Variants in AUTS2 observed in about 807,000 individuals in gnomAD.
AUTS2 encodes the protein autism susceptibility gene 2 protein.
In AUTS2, 17 loss-of-function variants were observed where a neutral mutation model predicts 112.4. The observed-to-expected ratio is 0.15, with a 90% CI of 0.10 to 0.23. The LOEUF (loss-of-function observed/expected upper bound fraction) is 0.23. Ranked by LOEUF, AUTS2 falls within the 10% of genes least tolerant of loss-of-function variation. The probability of loss-of-function intolerance (pLI) is 1.00; values close to 1 mark genes in which losing one functional copy is unlikely to be tolerated. For missense variants in AUTS2, 1,510 were observed against 1,701.6 expected (o/e 0.89, Z 1.98); for synonymous variants, 751 against 702.7 (o/e 1.07, Z -1.09).
chr7:70,539,978 C>A (rs897515760), intron 5 of AUTS2, among the ~76,000 whole-genome samples: 1 of 152,214 alleles, frequency 6.6e-6, no homozygotes, highest in African/African-American at 2.4e-5. Flanking sequence ...CAGCCCTACT[C>A]CTCCCACTGT....
At chr7:70,328,829 G>A (rs1314013454) in intron 4 of AUTS2, among the ~76,000 whole-genome samples, 1 of 152,182 alleles carries the variant, frequency 6.6e-6, no homozygotes, top group Non-Finnish European at 1.5e-5. Context: ...AAAGTGAACA[G>A]TTCAGTAGGA....
intron 1 of AUTS2, among the ~76,000 whole-genome samples, chr7:69,847,007 C>G (rs1323421211): frequency 1.3e-5 from 2 of 152,156 alleles, no homozygotes; most frequent in African/African-American, 4.8e-5. Flanking sequence ...TCTAGGCAAT[C>G]TAGTAGCACA....
chr7:69,781,629 G>C (rs1054821530), intron 1 of AUTS2, among the ~76,000 whole-genome samples: 13 of 152,234 alleles, frequency 8.5e-5, no homozygotes, highest in Admixed American at 3.3e-4. Flanking sequence ...GAATTGACAG[G>C]CATCTCTATT....
intron 2 of AUTS2, among the ~76,000 whole-genome samples, chr7:70,045,911 C>T (rs1801484441): frequency 6.6e-6 from 1 of 151,776 alleles, no homozygotes; most frequent in African/African-American, 2.4e-5. Flanking sequence ...AGGCATGAGC[C>T]ACTGCGCCTG....
intron 4 of AUTS2, among the ~76,000 whole-genome samples, chr7:70,270,456 G>A (rs1177006527): frequency 2.0e-5 from 3 of 152,122 alleles, no homozygotes; most frequent in Admixed American, 2.0e-4. Flanking sequence ...ACATTTAGGA[G>A]TGTAGTGTTT....
At chr7:69,976,736 A>G (rs1798074905) in intron 2 of AUTS2, among the ~76,000 whole-genome samples, 1 of 152,128 alleles carries the variant, frequency 6.6e-6, no homozygotes, top group African/African-American at 2.4e-5. Context: ...CTACCTGTGT[A>G]TTATCTTTGG....
chr7:70,243,450 T>C (rs1812736551), intron 4 of AUTS2, among the ~76,000 whole-genome samples: 1 of 152,050 alleles, frequency 6.6e-6, no homozygotes, highest in Admixed American at 6.6e-5. Context: ...GGTCCAGGAT[T>C]TCTGAGTTTC....
intron 5 of AUTS2, among the ~76,000 whole-genome samples, chr7:70,609,406 T>C (rs1489106915): frequency 7.4e-6 from 1 of 135,394 alleles, no homozygotes; most frequent in African/African-American, 3.2e-5. Context: ...TTTTTTTTTT[T>C]TTTTCCGAGA....
rs1808932489 is a variant in AUTS2, at chr7:70,694,287, G to A, written c.691-4282G>A. On this transcript the variant is annotated intron_variant, in intron 5 of 18. Coordinates refer to ENST00000342771, the MANE Select transcript of AUTS2 (RefSeq NM_015570.4). The surrounding 1 kb of genome is among the most constrained non-coding windows in gnomAD (Gnocchi z 4.1). ...GCTCACCCGCCAGCCCGCAAGCTCC[G>A]GCCAGAGGCGCCGCCGCCCCGCGCC... is the stretch of plus-strand genomic sequence containing the variant. 1.3e-5 allele frequency: 2 copies of A among 149,996 alleles called. No homozygotes were observed. Among genetic ancestry groups the A allele is most frequent in the Non-Finnish European group, 3.0e-5 (2 of 67,344 alleles). 9.3% of individuals were successfully genotyped at this position (149,996 alleles called of 1,614,324 possible). A position where few individuals can be genotyped will look rare whatever the true frequency, so the allele number is the denominator to read the frequency against.
At chr7:69,827,196 C>A (rs1315423918) in intron 1 of AUTS2, among the ~76,000 whole-genome samples, 1 of 152,160 alleles carries the variant, frequency 6.6e-6, no homozygotes, top group Non-Finnish European at 1.5e-5. Flanking sequence ...TTCTGTCCTG[C>A]CTTTACTCTC....
At chr7:70,638,539 T>C (rs1466928088) in intron 5 of AUTS2, among the ~76,000 whole-genome samples, 1 of 152,154 alleles carries the variant, frequency 6.6e-6, no homozygotes. Context: ...CACACATGCC[T>C]GTTCCCGATC....
intron 6 of AUTS2, among the ~76,000 whole-genome samples, chr7:70,710,170 T>C (rs1402728181): frequency 2.6e-5 from 4 of 151,502 alleles, no homozygotes; most frequent in African/African-American, 9.7e-5. Context: ...TGTACTTGAC[T>C]TCTCAAGTGG....
intron 1 of AUTS2, among the ~76,000 whole-genome samples, chr7:69,761,073 C>A (rs1788166574): frequency 6.6e-6 from 1 of 152,174 alleles, no homozygotes; most frequent in Non-Finnish European, 1.5e-5. Flanking sequence ...CTGAGAGTTG[C>A]TTTCTCCTTT....
intron 5 of AUTS2, among the ~76,000 whole-genome samples, chr7:70,627,658 G>A (rs1805020832): frequency 6.6e-6 from 1 of 152,188 alleles, no homozygotes; most frequent in African/African-American, 2.4e-5. Flanking sequence ...TGTAGGGCTG[G>A]CGCCAGTTCC....
At position 70,053,544 on chromosome 7, in the gene AUTS2, G is replaced by GTTTTTTTTTTTTTTTTTTTTTTTTT. The variant is rs200867539; in HGVS notation, c.523-64576_523-64575insTTTTTTTTTTTTTTTTTTTTTTTTT. Among the ~76,000 whole-genome samples the GTTTTTTTTTTTTTTTTTTTTTTTTT allele has an allele frequency of 4.6e-3, 586 of 127,608 alleles. 36 individuals are homozygous for GTTTTTTTTTTTTTTTTTTTTTTTTT. Among genetic ancestry groups the GTTTTTTTTTTTTTTTTTTTTTTTTT allele is most frequent in the East Asian group, 7.9e-3 (34 of 4,318 alleles). The allele number at this position is 127,608 out of a possible 152,430, so 83.7% of individuals were successfully genotyped here. A position where few individuals can be genotyped will look rare whatever the true frequency, so the allele number is the denominator to read the frequency against. On this transcript the variant is annotated intron_variant, in intron 2 of 18. Coordinates refer to ENST00000342771, the MANE Select transcript of AUTS2 (RefSeq NM_015570.4). ...ATTGTGGCAACCACTGTTTTGGGTG[G>GTTTTTTTTTTTTTTTTTTTTTTTTT]TTTTTTTTTTTTGGAGACAGGATCT...
intron 1 of AUTS2, among the ~76,000 whole-genome samples, chr7:69,602,047 T>TA: frequency 1.2e-4 from 1 of 8,606 alleles, no homozygotes; most frequent in Non-Finnish European, 2.4e-4. Context: ...TATATGTGTG[T>TA]GTGTGTGTGT....
intron 4 of AUTS2, among the ~76,000 whole-genome samples, chr7:70,135,335 A>G (rs1806496616): frequency 6.6e-6 from 1 of 152,214 alleles, no homozygotes; most frequent in African/African-American, 2.4e-5. Flanking sequence ...TTTGTACAAT[A>G]GGATAACATG....
At chr7:70,505,449 C>T (rs1798924220) in intron 5 of AUTS2, among the ~76,000 whole-genome samples, 1 of 152,150 alleles carries the variant, frequency 6.6e-6, no homozygotes, top group South Asian at 2.1e-4. Flanking sequence ...AGATTAGAGG[C>T]AAGGACTTGA....
chr7:70,579,911 G>A (rs1320190325), intron 5 of AUTS2, among the ~76,000 whole-genome samples: 1 of 152,200 alleles, frequency 6.6e-6, no homozygotes, highest in African/African-American at 2.4e-5. Flanking sequence ...TTCATAATCA[G>A]TCTGGAAGAA....
Sources: allele counts gnomAD v4.1 joint callset (sites outside exome capture counted in the v4.1 genomes callset), GRCh38; gene constraint gnomAD v4.1.1; non-coding constraint Gnocchi (gnomAD v3.1); transcripts MANE v1.5; gene names NCBI Gene and HGNC (gene_info 2026-07-23, HGNC 2026-07-21).